The following SHISA6 variants were observed in gnomAD, a reference collection of about 807,000 sequenced individuals.
SHISA6 encodes the protein protein shisa-6.
Under a neutral mutation model 47.9 loss-of-function variants are expected in SHISA6, and 22 were observed. The observed-to-expected ratio is 0.46, with a 90% CI of 0.33 to 0.66. The LOEUF is 0.66. SHISA6 is among the 30% of genes least tolerant of loss of function. SHISA6 has a pLI of 0.02. For missense variants in SHISA6, 680 were observed against 764.6 expected (o/e 0.89, Z 1.30); for synonymous variants, 388 against 337.8 (o/e 1.15, Z -1.63).
At chr17:11,515,546 T>C (rs896774432) in intron 3 of SHISA6, among the ~76,000 whole-genome samples, 1 of 151,922 alleles carries the variant, frequency 6.6e-6, no homozygotes, top group Non-Finnish European at 1.5e-5. Context: ...TGGGGCAGGG[T>C]AGAAAGCTAA....
chr17:11,491,153 T>G (rs1054951533), intron 3 of SHISA6, among the ~76,000 whole-genome samples: 1 of 152,116 alleles, frequency 6.6e-6, no homozygotes, highest in Non-Finnish European at 1.5e-5. Context: ...GGGGTTTCTG[T>G]AGGGCAGGCC....
chr17:11,322,287 TTATCTA>T (rs1202964429), intron 2 of SHISA6, among the ~76,000 whole-genome samples: 4 of 152,200 alleles, frequency 2.6e-5, no homozygotes, highest in African/African-American at 9.6e-5. Context: ...TTTTTTGTAT[TTATCTA>T]TATATTTACC....
At chr17:11,297,827 C>G (rs1909802661) in intron 2 of SHISA6, among the ~76,000 whole-genome samples, 1 of 152,150 alleles carries the variant, frequency 6.6e-6, no homozygotes, top group African/African-American at 2.4e-5. Flanking sequence ...AGATATTGCC[C>G]TTCAGCGAAA....
intron 3 of SHISA6, among the ~76,000 whole-genome samples, chr17:11,487,038 C>G (rs1288810700): frequency 6.6e-6 from 1 of 152,192 alleles, no homozygotes; most frequent in Non-Finnish European, 1.5e-5. Flanking sequence ...GCTATCATGG[C>G]AAAGTTGAAT....
At chr17:11,546,561 G>C (rs929960380) in intron 3 of SHISA6, among the ~76,000 whole-genome samples, 1 of 152,200 alleles carries the variant, frequency 6.6e-6, no homozygotes, top group Non-Finnish European at 1.5e-5. Context: ...CAAACAAAAA[G>C]GAAGCTGGGA....
chr17:11,283,422 G>A (rs1404909412), intron 2 of SHISA6, among the ~76,000 whole-genome samples: 1 of 152,154 alleles, frequency 6.6e-6, no homozygotes, highest in Non-Finnish European at 1.5e-5. Flanking sequence ...TTCAAGGTCT[G>A]ATTTTCTTTC....
intron 2 of SHISA6, among the ~76,000 whole-genome samples, chr17:11,304,065 C>T (rs887939281): frequency 6.6e-6 from 1 of 152,210 alleles, no homozygotes; most frequent in African/African-American, 2.4e-5. Flanking sequence ...TCAGGAAGGC[C>T]TTCTAGGATA....
In SHISA6 at chr17:11,349,431, G is replaced by A. The variant is rs118168300; in HGVS notation, c.800-29983G>A. 3.3e-4 allele frequency among the ~76,000 whole-genome samples: 51 copies of A among 152,268 alleles called. 2 individuals are homozygous for A. The East Asian group carries it at 7.7e-3, about 23-fold the overall frequency. On this transcript the variant is annotated intron_variant, in intron 2 of 5. Transcript: ENST00000441885. ...CATCAGCCTAGGATTATTTGACATCGTTTTCTGTGCTTGGTTAGCAGAAGT... is the reference window on the plus strand; with the variant it reads ...CATCAGCCTAGGATTATTTGACATCATTTTCTGTGCTTGGTTAGCAGAAGT...
intron 3 of SHISA6, among the ~76,000 whole-genome samples, chr17:11,418,839 T>C (rs1258251206): frequency 6.6e-6 from 1 of 152,214 alleles, no homozygotes; most frequent in African/African-American, 2.4e-5. Flanking sequence ...TTGGGTCTTG[T>C]ATGGTCTGTG....
At chr17:11,336,142 G>A (rs935873896) in intron 2 of SHISA6, among the ~76,000 whole-genome samples, 1 of 152,120 alleles carries the variant, frequency 6.6e-6, no homozygotes, top group Non-Finnish European at 1.5e-5. Flanking sequence ...CTGGGAGGTG[G>A]AGGTTGCAGT....
intron 2 of SHISA6, among the ~76,000 whole-genome samples, chr17:11,293,660 G>A (rs1258842425): frequency 6.6e-6 from 1 of 152,004 alleles, no homozygotes; most frequent in Non-Finnish European, 1.5e-5. Context: ...GATGAGGTTG[G>A]TGGGGCTTTG....
intron 1 of SHISA6, among the ~76,000 whole-genome samples, chr17:11,255,334 G>A (rs1362668859): frequency 6.6e-6 from 1 of 152,098 alleles, no homozygotes; most frequent in East Asian, 1.9e-4. Context: ...AATGAAGGGA[G>A]GAGGGAGGAA....
intron 3 of SHISA6, among the ~76,000 whole-genome samples, chr17:11,532,942 T>C (rs544137065): frequency 6.6e-6 from 1 of 152,098 alleles, no homozygotes; most frequent in East Asian, 1.9e-4. Flanking sequence ...TTTCCTCCCT[T>C]TCCACTCCCA....
intron 2 of SHISA6, among the ~76,000 whole-genome samples, chr17:11,321,456 G>A (rs567957879): frequency 1.8e-4 from 28 of 152,248 alleles, no homozygotes; most frequent in South Asian, 1.2e-3. Context: ...GATTTTGCAC[G>A]GTAGATTATT....
In SHISA6 at chr17:11,337,502, A is replaced by G. The variant is rs573128562; in HGVS notation, c.800-41912A>G. On this transcript the variant is annotated intron_variant, in intron 2 of 5. Coordinates refer to ENST00000441885, the MANE Select transcript of SHISA6 (RefSeq NM_207386.4). ...TGGGAGGCTGGCAACTTACACAGAT[A>G]GCGGTGCAGGGGATGTGACGTGGAT... Among the ~76,000 whole-genome samples, 3 of 152,356 alleles carry G rather than the reference A, an allele frequency of 2.0e-5. No individual in the cohort carries two copies. The East Asian group carries it at 5.8e-4, about 29-fold the overall frequency.
chr17:11,426,786 G>T (rs563003969), intron 3 of SHISA6, among the ~76,000 whole-genome samples: 1 of 152,044 alleles, frequency 6.6e-6, no homozygotes, highest in Non-Finnish European at 1.5e-5. Context: ...TTGCGGGGAG[G>T]GTACCACATG....
intron 3 of SHISA6, among the ~76,000 whole-genome samples, chr17:11,461,410 A>C (rs3095675): frequency 4.9e-4 from 73 of 148,942 alleles, no homozygotes; most frequent in Middle Eastern, 3.4e-3. Flanking sequence ...AAAAAAAAAA[A>C]AAAAAAAAAG....
At chr17:11,512,531 A>G (rs1031015407) in intron 3 of SHISA6, among the ~76,000 whole-genome samples, 4 of 152,222 alleles carry the variant, frequency 2.6e-5, no homozygotes, top group Non-Finnish European at 1.5e-5. Context: ...ATTGTATTTC[A>G]AATTGAATTT....
intron 3 of SHISA6, among the ~76,000 whole-genome samples, chr17:11,505,445 T>A (rs1232834130): frequency 2.6e-5 from 4 of 152,194 alleles, no homozygotes; most frequent in Non-Finnish European, 5.9e-5. Context: ...TGCAGGAAAA[T>A]CCCACAGTGC....
Sources: gnomAD v4.1 joint callset for allele counts (sites outside exome capture counted in the v4.1 genomes callset) on GRCh38, gnomAD v4.1.1 for gene constraint, MANE v1.5 for transcripts, NCBI Gene and HGNC (gene_info 2026-07-23, HGNC 2026-07-21) for gene names.